Variants in PDE4D observed in about 807,000 individuals in gnomAD.
The protein encoded by PDE4D is phosphodiesterase 4D.
PDE4D carries 24 observed loss-of-function variants against 87.4 expected under a neutral mutation model. That is an observed-to-expected ratio of 0.27 (90% CI 0.20 to 0.39). The LOEUF is 0.39. Ranked by LOEUF, PDE4D falls within the 10% of genes least tolerant of loss-of-function variation. PDE4D has a pLI of 1.00. For synonymous variants in PDE4D, 384 were observed against 383.2 expected (o/e 1.00, Z -0.02); for missense variants, 714 against 1,041.0 (o/e 0.69, Z 4.32).
chr5:60,253,618 C>T (rs1004489439), intron 1 of PDE4D, among the ~76,000 whole-genome samples: 2 of 151,732 alleles, frequency 1.3e-5, no homozygotes, highest in African/African-American at 2.4e-5. Flanking sequence ...TTACCAAAAA[C>T]GCGATTATTA....
chr5:59,034,494 T>A (rs76909395), intron 6 of PDE4D, among the ~76,000 whole-genome samples: 3 of 152,278 alleles, frequency 2.0e-5, no homozygotes, highest in East Asian at 1.9e-4. Flanking sequence ...TCTATGAAGA[T>A]CCTATATTTG....
chr5:59,153,946 C>T (rs1455994965), intron 5 of PDE4D, among the ~76,000 whole-genome samples: 12 of 152,042 alleles, frequency 7.9e-5, no homozygotes, highest in African/African-American at 2.9e-4. Context: ...GAGAGAGAAG[C>T]GAGTTTTAGA....
chr5:59,009,612 G>A (rs936522305), intron 6 of PDE4D, among the ~76,000 whole-genome samples: 26 of 151,950 alleles, frequency 1.7e-4, no homozygotes, highest in African/African-American at 5.6e-4. Flanking sequence ...TAAAAAGCAA[G>A]AGAAAACTTT....
At chr5:58,999,546 A>ATTATATGTATATATATAT (rs1217968182) in intron 6 of PDE4D, 7 of 1,415,748 alleles carry the variant, frequency 4.9e-6, no homozygotes, top group Non-Finnish European at 6.6e-6. Flanking sequence ...TTTTTGATTG[A>ATTATATGTATATATATAT]TTATATGTAT....
intron 5 of PDE4D, among the ~76,000 whole-genome samples, chr5:59,175,533 G>C (rs1783706000): frequency 8.0e-6 from 1 of 124,346 alleles, no homozygotes; most frequent in Admixed American, 1.1e-4. Flanking sequence ...CCAGGCCGAA[G>C]AGCAGTGGCC....
At position 59,505,101 on chromosome 5, in the gene PDE4D, T is replaced by G. The variant is rs962195329; in HGVS notation, c.456-289133A>C. On this transcript the variant is annotated intron_variant, in intron 1 of 14. Transcript: ENST00000340635. ...CATCTTCTAGATCTTGGCTATTTGG[T>G]TCTCCTCTTCTGCTCCTTTCTTTGG... Among the ~76,000 whole-genome samples, 6 of 152,276 alleles carry G rather than the reference T, an allele frequency of 3.9e-5. 1 individual carries two copies. The South Asian group carries it at 1.0e-3, about 26-fold the overall frequency.
At chr5:59,390,037 G>A (rs1487988316) in intron 1 of PDE4D, among the ~76,000 whole-genome samples, 2 of 152,000 alleles carry the variant, frequency 1.3e-5, no homozygotes, top group African/African-American at 2.4e-5. Context: ...TTGAGGTGAT[G>A]GTTATCTTAA....
chr5:59,931,896 T>C (rs1244876645), intron 3 of PDE4D, among the ~76,000 whole-genome samples: 2 of 152,014 alleles, frequency 1.3e-5, no homozygotes, highest in East Asian at 1.9e-4. Flanking sequence ...AGAGATGGGG[T>C]TTCACCGTGT....
intron 3 of PDE4D, among the ~76,000 whole-genome samples, chr5:59,915,974 T>C (rs1320221453): frequency 6.6e-6 from 1 of 152,204 alleles, no homozygotes; most frequent in Non-Finnish European, 1.5e-5. Context: ...AAGTAATTTT[T>C]CCCCACATCT....
At chr5:59,802,646 C>T (rs1029496915) in intron 1 of PDE4D, among the ~76,000 whole-genome samples, 10 of 152,052 alleles carry the variant, frequency 6.6e-5, no homozygotes, top group African/African-American at 2.4e-4. Context: ...ATCTGCCTGC[C>T]TCGGCCTCCC....
At chr5:60,266,739 G>C (rs1175497950) in intron 1 of PDE4D, among the ~76,000 whole-genome samples, 5 of 152,226 alleles carry the variant, frequency 3.3e-5, no homozygotes, top group African/African-American at 1.2e-4. Flanking sequence ...AAGAGAGCAG[G>C]AGGAAGACAC....
intron 1 of PDE4D, among the ~76,000 whole-genome samples, chr5:59,223,970 T>C (rs1281932949): frequency 6.6e-6 from 1 of 151,616 alleles, no homozygotes; most frequent in East Asian, 1.9e-4. Context: ...TTACCCTTTG[T>C]TTTCACAGAT....
chr5:59,255,571 A>G (rs893621288), intron 1 of PDE4D, among the ~76,000 whole-genome samples: 1 of 152,098 alleles, frequency 6.6e-6, no homozygotes, highest in Non-Finnish European at 1.5e-5. Context: ...TACACCCTGT[A>G]TTGATGAAGA....
chr5:59,989,425 A>G (rs921736342), intron 2 of PDE4D, among the ~76,000 whole-genome samples: 14 of 152,074 alleles, frequency 9.2e-5, no homozygotes, highest in African/African-American at 3.1e-4. Flanking sequence ...TATCTTTCTT[A>G]CATGCATGCC....
rs367723577 is a variant in PDE4D at position 59,145,222 on chromosome 5, A to T, written c.808+35373T>A. ...CACTATCCCACATGACAGTAATGGA[A>T]ATGAGGTTCCTGGAGGTCCAGTGAT... On this transcript the variant is annotated intron_variant, in intron 5 of 14. Coordinates refer to ENST00000340635, the MANE Select transcript of PDE4D (RefSeq NM_001104631.2). Among the ~76,000 whole-genome samples, 140 of 152,256 alleles carry T rather than the reference A, an allele frequency of 9.2e-4. 3 individuals carry two copies. Among genetic ancestry groups the T allele is most frequent in the African/African-American group, 3.3e-3 (136 of 41,558 alleles).
intron 5 of PDE4D, among the ~76,000 whole-genome samples, chr5:59,067,509 C>G (rs1261753109): frequency 6.6e-6 from 1 of 152,136 alleles, no homozygotes; most frequent in Non-Finnish European, 1.5e-5. Context: ...CATTTCTAAT[C>G]TATATGATGG....
At chr5:59,856,531 T>C (rs1373016095) in intron 1 of PDE4D, among the ~76,000 whole-genome samples, 1 of 152,168 alleles carries the variant, frequency 6.6e-6, no homozygotes, top group East Asian at 1.9e-4. Flanking sequence ...AAATACACAG[T>C]CACAGTGGCT....
chr5:59,198,281 GAAAA>G (rs1300636807), intron 2 of PDE4D, among the ~76,000 whole-genome samples: 1 of 151,732 alleles, frequency 6.6e-6, no homozygotes, highest in African/African-American at 2.4e-5. Flanking sequence ...GGAAGGCTCA[GAAAA>G]AAAGTCATTT....
intron 1 of PDE4D, among the ~76,000 whole-genome samples, chr5:59,317,205 CCA>C (rs1282933147): frequency 1.3e-5 from 2 of 152,118 alleles, no homozygotes; most frequent in African/African-American, 4.8e-5. Context: ...TTGGTGGGCA[CCA>C]GTTGGCAAGA....
Sources: allele counts gnomAD v4.1 joint callset (sites outside exome capture counted in the v4.1 genomes callset), GRCh38; gene constraint gnomAD v4.1.1; transcripts MANE v1.5; gene names NCBI Gene and HGNC (gene_info 2026-07-23, HGNC 2026-07-21).